The following KY variants were observed in gnomAD, a reference collection of about 807,000 sequenced individuals.
The protein encoded by KY is kyphoscoliosis peptidase.
A neutral mutation model predicts 76.1 loss-of-function variants in KY; 43 were observed. That is an observed-to-expected ratio of 0.57 (90% CI 0.44 to 0.73). The LOEUF (loss-of-function observed/expected upper bound fraction) is 0.73. Among genes scored for constraint, KY ranks in the 30% least tolerant of loss-of-function variants. KY has a pLI of 0.00. For missense variants in KY, 722 were observed against 828.9 expected (o/e 0.87, Z 1.58); for synonymous variants, 277 against 326.2 (o/e 0.85, Z 1.63).
rs907120532 is a variant in KY, at chr3:134,622,818, A to G, written c.484-1961T>C. ...AGAAGCTGGGCCACTAGGTCCTGCA[A>G]TGGTGCCCACATTCCCCTCAGCTCC... On this transcript the variant is annotated intron_variant, in intron 6 of 10. Coordinates refer to ENST00000423778, the MANE Select transcript of KY (RefSeq NM_178554.6). Among the ~76,000 whole-genome samples, 8 of 152,278 alleles carry G rather than the reference A, an allele frequency of 5.3e-5. No homozygotes were observed. In the South Asian group the frequency reaches 8.3e-4, roughly 16 times the overall value.
intron 8 of KY, among the ~76,000 whole-genome samples, chr3:134,616,793 C>T (rs1460062844): frequency 6.6e-6 from 1 of 152,108 alleles, no homozygotes; most frequent in East Asian, 1.9e-4. Flanking sequence ...AGGAAAACTC[C>T]ACAGAGCAAA....
chr3:134,648,475 G>A (rs970947083), intron 1 of KY, among the ~76,000 whole-genome samples: 1 of 152,160 alleles, frequency 6.6e-6, no homozygotes, highest in African/African-American at 2.4e-5. Flanking sequence ...ATTGGGTCTT[G>A]CCCCAGGCAG....
chr3:134,643,912 C>T lies in KY; in HGVS notation c.200-534G>A, dbSNP rs376842789. 5.5e-4 allele frequency among the ~76,000 whole-genome samples: 84 copies of T among 151,620 alleles called. 3 individuals carry two copies. The South Asian group carries it at 0.016, about 30-fold the overall frequency. Reference sequence around the variant, plus strand: ...CGCGATCTCTGCTCACTGCAAGCTCCGCCTCCTGGGTTCGTGCCATTCTCC... The same window carrying T: ...CGCGATCTCTGCTCACTGCAAGCTCTGCCTCCTGGGTTCGTGCCATTCTCC... On this transcript the variant is annotated intron_variant, in intron 2 of 10. Transcript: ENST00000423778.
Position 134,601,027 on chromosome 3 carries a change from C to G in KY, c.*2552G>C, listed in dbSNP as rs974342275. The G allele has an allele frequency of 1.3e-5, 2 of 152,354 alleles. No homozygotes were observed. The highest frequency in any genetic ancestry group is 4.1e-4 in the South Asian group (2 of 4,828). 9.4% of individuals were successfully genotyped at this position (152,354 alleles called of 1,614,324 possible). On this transcript the variant is annotated 3_prime_UTR_variant, in exon 11 of 11. Transcript: ENST00000423778. ...TCCGCACTTCGGACACCTGGGGGCGCCCGTGCCATTCCGCCGGCGACTGGG... is the reference window on the plus strand; with the variant it reads ...TCCGCACTTCGGACACCTGGGGGCGGCCGTGCCATTCCGCCGGCGACTGGG...
Position 134,600,594 on chromosome 3 carries a change from C to T in KY, c.*2985G>A, listed in dbSNP as rs1178670959. Among the ~76,000 whole-genome samples, 1 of 152,186 alleles carries T rather than the reference C, an allele frequency of 6.6e-6. No homozygotes were observed. Among genetic ancestry groups the T allele is most frequent in the Non-Finnish European group, 1.5e-5 (1 of 68,044 alleles). ...GTGGTTGTAGTGCCTCTGCCCACCA[C>T]TCCTCCACCCTCGGTTCCCTTCTGC... On this transcript the variant is annotated 3_prime_UTR_variant, in exon 11 of 11. Coordinates refer to ENST00000423778, the MANE Select transcript of KY (RefSeq NM_178554.6).
intron 6 of KY, among the ~76,000 whole-genome samples, chr3:134,622,840 C>A (rs1253206930): frequency 6.6e-6 from 1 of 152,170 alleles, no homozygotes; most frequent in African/African-American, 2.4e-5. Context: ...TTCCCCTCAG[C>A]TCCCAGCTTG....
intron 2 of KY, among the ~76,000 whole-genome samples, chr3:134,646,940 C>T (rs2108035417): frequency 6.6e-6 from 1 of 152,248 alleles, no homozygotes; most frequent in South Asian, 2.1e-4. Context: ...GTGGCAGATG[C>T]CTGGCACTGG....
intron 8 of KY, among the ~76,000 whole-genome samples, chr3:134,618,731 G>T (rs1235855921): frequency 1.3e-5 from 2 of 152,162 alleles, no homozygotes; most frequent in Admixed American, 6.5e-5. Flanking sequence ...ATCTTTTCAG[G>T]TGGGAGATCT....
chr3:134,638,602 A>C (rs2107970243), intron 3 of KY, among the ~76,000 whole-genome samples: 1 of 152,332 alleles, frequency 6.6e-6, no homozygotes, highest in Non-Finnish European at 1.5e-5. Flanking sequence ...AATCTTGAGA[A>C]CGGGCTCCCT....
chr3:134,617,646 G>A (rs1409080872), intron 8 of KY, among the ~76,000 whole-genome samples: 1 of 152,084 alleles, frequency 6.6e-6, no homozygotes, highest in Admixed American at 6.6e-5. Context: ...TACAATGAAT[G>A]GTATTTTTTA....
At chr3:134,610,673 C>A (rs1960220554) in intron 8 of KY, 2 of 311,178 alleles carry the variant, frequency 6.4e-6, no homozygotes, top group Admixed American at 4.9e-5. Context: ...AAATGTTCAT[C>A]CCTAGAGCCT....
intron 2 of KY, among the ~76,000 whole-genome samples, chr3:134,644,101 A>AG (rs1273611918): frequency 6.6e-6 from 1 of 152,184 alleles, no homozygotes; most frequent in Non-Finnish European, 1.5e-5. Context: ...CTGGGATTAT[A>AG]GGCGTGAGCC....
rs1210280039 is a variant in KY at position 134,604,150 on chromosome 3, A to G, written c.1415T>C (p.Ile472Thr). 1 of 1,608,258 alleles carries G rather than the reference A, an allele frequency of 6.2e-7. No individual in the cohort carries two copies. Among genetic ancestry groups the G allele is most frequent in the Admixed American group, 1.7e-5 (1 of 59,172 alleles). ...GIMKPSHPDP[I>T]IHTSDGRCSI... ...GCAGCGCCCGTCGCTGGTGTGGATG[A>G]TAGGGTCAGGGTGGGAGGGCTTCAT... is the stretch of plus-strand genomic sequence containing the variant. The change falls in exon 11 of 11, where the codon ATC (isoleucine) becomes ACC (threonine). Residue 472 changes from isoleucine (I) to threonine (T), a missense_variant. Around this residue, in one of 2 missense-constraint regions of KY, gnomAD observed 552 missense variants for 680.9 expected, o/e 0.81. Coordinates refer to ENST00000423778, the MANE Select transcript of KY (RefSeq NM_178554.6).
Position 134,620,812 on chromosome 3 carries a change from G to T in KY, c.529C>A (p.Gln177Lys). 1.2e-6 allele frequency: 2 copies of T among 1,613,516 alleles called. No individual in the cohort carries two copies. The highest frequency in any genetic ancestry group is 1.7e-6 in the Non-Finnish European group (2 of 1,179,688). Reference protein sequence around the residue: ...GLDELVSDLLQEAHTDLERVR... With the variant: ...GLDELVSDLLKEAHTDLERVR... ...CTTTCCAGGTCAGTGTGGGCCTCCT[G>T]GAGCAGGTCACTCACCAGTTCGTCT... The change falls in exon 7 of 11, where the codon CAG (glutamine) becomes AAG (lysine). Residue 177 changes from glutamine to lysine, a missense_variant. Around this residue, in one of 2 missense-constraint regions of KY, gnomAD observed 552 missense variants for 680.9 expected, o/e 0.81. Coordinates refer to ENST00000423778, the MANE Select transcript of KY (RefSeq NM_178554.6).
intron 10 of KY, among the ~76,000 whole-genome samples, chr3:134,604,801 A>C (rs1222251062): frequency 2.0e-5 from 3 of 152,182 alleles, no homozygotes. Flanking sequence ...TTCACATTAG[A>C]TGAAGGTTGC....
intron 8 of KY, chr3:134,613,298 G>A (rs1293092718): frequency 1.3e-5 from 2 of 153,116 alleles, no homozygotes; most frequent in Non-Finnish European, 2.9e-5. Flanking sequence ...GAGAAGCCAT[G>A]TCCTAGGCCG....
At chr3:134,612,469 G>A (rs1041582839) in intron 8 of KY, among the ~76,000 whole-genome samples, 1 of 152,254 alleles carries the variant, frequency 6.6e-6, no homozygotes, top group Admixed American at 6.5e-5. Flanking sequence ...GGGATGCAAG[G>A]CTGAGGGGGT....
At chr3:134,638,279 G>T (rs1417636182) in intron 3 of KY, among the ~76,000 whole-genome samples, 1 of 152,166 alleles carries the variant, frequency 6.6e-6, no homozygotes, top group African/African-American at 2.4e-5. Flanking sequence ...TGACGCTACT[G>T]GATCAAATAA....
At chr3:134,629,405 T>C in intron 4 of KY, 1 of 546,514 alleles carries the variant, frequency 1.8e-6, no homozygotes, top group Non-Finnish European at 3.3e-6. Flanking sequence ...CTGTGTTACC[T>C]ATGACTAGTT....
Sources: allele counts gnomAD v4.1 joint callset (sites outside exome capture counted in the v4.1 genomes callset), GRCh38; gene constraint gnomAD v4.1.1; regional missense constraint gnomAD v4.1.1; transcripts MANE v1.5; gene names NCBI Gene and HGNC (gene_info 2026-07-23, HGNC 2026-07-21).